The following GTF2IRD1 variants were observed in gnomAD, a reference collection of about 807,000 sequenced individuals.
GTF2IRD1 encodes GTF2I repeat domain containing 1, also known as general transcription factor II-I repeat domain-containing protein 1.
A neutral mutation model predicts 113.2 loss-of-function variants in GTF2IRD1; 26 were observed. That is an observed-to-expected ratio of 0.23 (90% confidence interval 0.17 to 0.32). The LOEUF (loss-of-function observed/expected upper bound fraction) is 0.32. Ranked by LOEUF, GTF2IRD1 falls within the 10% of genes least tolerant of loss-of-function variation. The pLI, the probability that GTF2IRD1 is intolerant of heterozygous loss-of-function variation, is 1.00. For missense variants in GTF2IRD1, 864 were observed against 1,280.8 expected (o/e 0.67, Z 4.97); for synonymous variants, 484 against 529.1 (o/e 0.91, Z 1.17).
At chr7:74,591,428 G>T (rs1802057884) in intron 24 of GTF2IRD1, among the ~76,000 whole-genome samples, 1 of 139,934 alleles carries the variant, frequency 7.1e-6, no homozygotes, top group Admixed American at 7.5e-5. Flanking sequence ...ACCCAGTCTG[G>T]AGTGCAGTGG....
intron 17 of GTF2IRD1, among the ~76,000 whole-genome samples, chr7:74,549,116 C>T (rs1172793652): frequency 6.6e-6 from 1 of 151,884 alleles, no homozygotes; most frequent in Admixed American, 6.6e-5. Context: ...ATGGTGAGAT[C>T]CCATCTCTAC....
chr7:74,526,715 G>A (rs1294867243), intron 8 of GTF2IRD1, among the ~76,000 whole-genome samples: 1 of 151,088 alleles, frequency 6.6e-6, no homozygotes, highest in African/African-American at 2.4e-5. Flanking sequence ...TAAACCAGAT[G>A]AACCAGACGG....
intron 19 of GTF2IRD1, 46 bp from the exon 20 acceptor site, chr7:74,557,593 T>G: frequency 1.5e-6 from 2 of 1,322,978 alleles, no homozygotes; most frequent in Admixed American, 1.9e-5. Context: ...CACCAAGTGC[T>G]TTTTCACTCA....
intron 1 of GTF2IRD1, among the ~76,000 whole-genome samples, chr7:74,503,730 C>CAATAG (rs2129919607): frequency 6.6e-6 from 1 of 152,300 alleles, no homozygotes; most frequent in African/African-American, 2.4e-5. Context: ...ATCTGGGGGA[C>CAATAG]AGTGAGACTG....
intron 11 of GTF2IRD1, 135 bp from the exon 12 acceptor site, chr7:74,538,001 G>A: frequency 1.3e-6 from 1 of 761,520 alleles, no homozygotes; most frequent in Non-Finnish European, 2.3e-6. Flanking sequence ...ATCCTGGAGG[G>A]CCAGGGGCCG....
intron 22 of GTF2IRD1, among the ~76,000 whole-genome samples, chr7:74,573,661 G>A (rs979838242): frequency 6.6e-6 from 1 of 152,194 alleles, no homozygotes; most frequent in Non-Finnish European, 1.5e-5. Context: ...TAGAAGTAGA[G>A]CAGGGGCAGG....
At chr7:74,520,330 T>A (rs1017425371) in intron 6 of GTF2IRD1, among the ~76,000 whole-genome samples, 1 of 151,926 alleles carries the variant, frequency 6.6e-6, no homozygotes, top group African/African-American at 2.4e-5. Flanking sequence ...CAACTGCAGG[T>A]GAGGAGCACC....
At chr7:74,547,932 C>T (rs1799054502) in intron 17 of GTF2IRD1, among the ~76,000 whole-genome samples, 1 of 152,052 alleles carries the variant, frequency 6.6e-6, no homozygotes, top group Non-Finnish European at 1.5e-5. Context: ...CCCATCAGCT[C>T]ACGGGTTCTC....
chr7:74,510,094 C>T (rs782782905), intron 2 of GTF2IRD1, among the ~76,000 whole-genome samples: 1 of 152,082 alleles, frequency 6.6e-6, no homozygotes, highest in Non-Finnish European at 1.5e-5. Flanking sequence ...GTGTTTGGGG[C>T]AGCGGTGGGA....
intron 1 of GTF2IRD1, among the ~76,000 whole-genome samples, chr7:74,461,144 A>T (rs1204951321): frequency 6.6e-6 from 1 of 152,182 alleles, no homozygotes; most frequent in Non-Finnish European, 1.5e-5. Flanking sequence ...ATGCCACAGC[A>T]TGGGTGTGTG....
At chr7:74,551,081 T>C (rs2355319) in intron 17 of GTF2IRD1, among the ~76,000 whole-genome samples, 56,174 of 150,642 alleles carry the variant, frequency 0.37, 12,136 homozygotes, top group African/African-American at 0.6. Flanking sequence ...GTGGCTCACA[T>C]CTGTAATCCC....
At chr7:74,486,138 T>C (rs1795012560) in intron 1 of GTF2IRD1, among the ~76,000 whole-genome samples, 1 of 152,054 alleles carries the variant, frequency 6.6e-6, no homozygotes, top group Non-Finnish European at 1.5e-5. Flanking sequence ...GCCCAGCTAA[T>C]TTTTGTATTT....
chr7:74,509,652 G>T (rs1050660892), intron 2 of GTF2IRD1, among the ~76,000 whole-genome samples: 1 of 151,218 alleles, frequency 6.6e-6, no homozygotes, highest in Non-Finnish European at 1.5e-5. Flanking sequence ...AAGTCACACA[G>T]CATGACCAGT....
chr7:74,489,429 G>T (rs558412257), intron 1 of GTF2IRD1, among the ~76,000 whole-genome samples: 3 of 151,912 alleles, frequency 2.0e-5, no homozygotes, highest in Non-Finnish European at 4.4e-5. Flanking sequence ...TGCAACCTCC[G>T]CCTCCTGGGT....
chr7:74,593,996 G>A (rs58803008), intron 24 of GTF2IRD1, among the ~76,000 whole-genome samples: 38 of 151,698 alleles, frequency 2.5e-4, no homozygotes, highest in Admixed American at 5.3e-4. Context: ...TCAGGAGTTC[G>A]AGACCAGCCT....
intron 22 of GTF2IRD1, among the ~76,000 whole-genome samples, chr7:74,588,208 A>T (rs1418901992): frequency 2.6e-5 from 4 of 150,992 alleles, no homozygotes; most frequent in African/African-American, 9.8e-5. Flanking sequence ...CCTGGGTTCA[A>T]GCAGTTCTCC....
intron 2 of GTF2IRD1, among the ~76,000 whole-genome samples, chr7:74,508,963 A>G (rs940029140): frequency 1.3e-5 from 2 of 152,138 alleles, no homozygotes; most frequent in African/African-American, 4.8e-5. Context: ...GCTATTGCCT[A>G]CATACCTAGA....
At chr7:74,534,769 G>C (rs146002013) in intron 9 of GTF2IRD1, among the ~76,000 whole-genome samples, 1 of 149,328 alleles carries the variant, frequency 6.7e-6, no homozygotes, top group Admixed American at 6.7e-5. Flanking sequence ...AGGGCATGGT[G>C]GTGCACGTCT....
At chr7:74,519,343 G>A (rs587710154) in intron 5 of GTF2IRD1, 66 bp from the exon 6 acceptor site, 93 of 1,181,848 alleles carry the variant, frequency 7.9e-5, no homozygotes, top group South Asian at 2.7e-4. Context: ...CGGGGTTTTC[G>A]GGGGAAGAGC....
Sources: gnomAD v4.1 joint callset for allele counts (sites outside exome capture counted in the v4.1 genomes callset) on GRCh38, gnomAD v4.1.1 for gene constraint, MANE v1.5 for transcripts, NCBI Gene and HGNC (gene_info 2026-07-23, HGNC 2026-07-21) for gene names.